The following ZFHX3 variants were observed in gnomAD, a reference collection of about 807,000 sequenced individuals.
ZFHX3 encodes zinc finger homeobox 3, also known as zinc finger homeobox protein 3.
A neutral mutation model predicts 279.1 loss-of-function variants in ZFHX3; 42 were observed. The ratio of observed to expected loss-of-function variants is 0.15; its 90% CI spans 0.12 to 0.19. The LOEUF (loss-of-function observed/expected upper bound fraction) is 0.19. Ranked by LOEUF, ZFHX3 falls within the 10% of genes least tolerant of loss-of-function variation. The pLI is 1.00. For synonymous variants in ZFHX3, 2,293 were observed against 1,957.8 expected, an observed-to-expected ratio of 1.17 and a Z score of -4.52; for missense variants, 4,981 against 4,754.0, an observed-to-expected ratio of 1.05 and a Z score of -1.40.
At chr16:73,695,294 G>A (rs1449941671) in intron 1 of ZFHX3, among the ~76,000 whole-genome samples, 1 of 148,150 alleles carries the variant, frequency 6.7e-6, no homozygotes, top group Non-Finnish European at 1.5e-5. Flanking sequence ...GGAGTGCAGT[G>A]GCGCGATCTC....
At chr16:73,524,198 T>C (rs1454266547) in intron 2 of ZFHX3, among the ~76,000 whole-genome samples, 1 of 152,194 alleles carries the variant, frequency 6.6e-6, no homozygotes, top group Non-Finnish European at 1.5e-5. Context: ...GTGCAAGGCA[T>C]ACAGGCAACA....
At chr16:73,702,560 G>A (rs531627535) in intron 1 of ZFHX3, among the ~76,000 whole-genome samples, 10 of 152,262 alleles carry the variant, frequency 6.6e-5, no homozygotes, top group Admixed American at 1.3e-4. Context: ...TTAGTGCCCC[G>A]AAATATCACC....
chr16:73,727,424 T>A (rs766412225), intron 1 of ZFHX3, among the ~76,000 whole-genome samples: 6 of 152,202 alleles, frequency 3.9e-5, no homozygotes, highest in Non-Finnish European at 8.8e-5. Flanking sequence ...TGCTCAAATC[T>A]TTCATTAACC....
At chr16:73,534,382 G>A (rs2019858276) in intron 2 of ZFHX3, among the ~76,000 whole-genome samples, 1 of 152,020 alleles carries the variant, frequency 6.6e-6, no homozygotes, top group Admixed American at 6.6e-5. Context: ...ATTGCAACCT[G>A]CCACCAACTC....
chr16:73,062,790 A>G (rs1277251576), upstream of ZFHX3, among the ~76,000 whole-genome samples: 1 of 152,012 alleles, frequency 6.6e-6, no homozygotes, highest in Non-Finnish European at 1.5e-5. Context: ...GCCTCTCCGT[A>G]CAACTCCAGA....
Position 73,666,880 on chromosome 16 carries a change from G to A in ZFHX3, c.-1547+13300C>T, listed in dbSNP as rs551543296. On this transcript the variant is annotated intron_variant, in intron 2 of 17. Transcript: ENST00000641206. ...CTGCAGCATGGAGATGTTTGAGTCT[G>A]GCTTCTTTCACTTAACACAATGCCT... 7.9e-5 allele frequency among the ~76,000 whole-genome samples: 12 copies of A among 152,044 alleles called. No homozygotes were observed. In the South Asian group the frequency reaches 2.5e-3, roughly 32 times the overall value.
At chr16:73,812,520 G>C (rs529441099) in intron 1 of ZFHX3, 2 of 152,148 alleles carry the variant, frequency 1.3e-5, no homozygotes, top group Non-Finnish European at 2.9e-5. Flanking sequence ...TCATAATAAA[G>C]AGATGGGGCA....
chr16:73,131,174 T>C, intron 6 of ZFHX3: 1 of 412,116 alleles, frequency 2.4e-6, no homozygotes. Context: ...GAAAATACCA[T>C]GAGCACAAGT....
rs1267341499 is a variant in ZFHX3 at position 72,901,094 on chromosome 16, CTA to C, written c.3217-11134_3217-11133del. 2.6e-5 allele frequency among the ~76,000 whole-genome samples: 4 copies of C among 152,188 alleles called. No homozygotes were observed. In the East Asian group the frequency reaches 7.7e-4, roughly 29 times the overall value. On this transcript the variant is annotated intron_variant, in intron 3 of 9. Coordinates refer to ENST00000268489, the MANE Select transcript of ZFHX3 (RefSeq NM_006885.4). ...TACTTCATAAAAGTCAGAATTGGCT[CTA>C]TTCATCTTCCTCTCCCCTTTCACAC...
At chr16:73,635,675 C>T (rs1336681367) in intron 2 of ZFHX3, among the ~76,000 whole-genome samples, 3 of 152,292 alleles carry the variant, frequency 2.0e-5, no homozygotes, top group East Asian at 3.9e-4. Flanking sequence ...TCATTAACCT[C>T]TCACCCTGTG....
chr16:73,699,665 C>T (rs2053229209), intron 1 of ZFHX3, among the ~76,000 whole-genome samples: 1 of 152,162 alleles, frequency 6.6e-6, no homozygotes, highest in Non-Finnish European at 1.5e-5. Context: ...CTCAACAACC[C>T]TATGAAGCTG....
upstream of ZFHX3, among the ~76,000 whole-genome samples, chr16:73,050,969 C>T (rs1386437169): frequency 1.3e-5 from 2 of 152,196 alleles, no homozygotes; most frequent in Non-Finnish European, 2.9e-5. Context: ...TGGTAAATTA[C>T]AATGATTCTA....
chr16:73,246,075 C>A (rs555050050), intron 5 of ZFHX3, among the ~76,000 whole-genome samples: 7 of 152,124 alleles, frequency 4.6e-5, no homozygotes, highest in African/African-American at 1.7e-4. Context: ...TGTGAGCAGT[C>A]CCAGGGTCCC....
At chr16:73,662,603 G>A (rs939519566) in intron 2 of ZFHX3, among the ~76,000 whole-genome samples, 1 of 152,140 alleles carries the variant, frequency 6.6e-6, no homozygotes, top group African/African-American at 2.4e-5. Context: ...AGTAATTCAA[G>A]AGGCTGAGAG....
At chr16:73,283,645 C>T (rs568996020) in intron 4 of ZFHX3, among the ~76,000 whole-genome samples, 2 of 152,214 alleles carry the variant, frequency 1.3e-5, no homozygotes, top group Non-Finnish European at 2.9e-5. Flanking sequence ...CTCCTACTGC[C>T]TGATTTCTTT....
chr16:73,359,437 C>T (rs2016399471), intron 3 of ZFHX3, among the ~76,000 whole-genome samples: 1 of 152,122 alleles, frequency 6.6e-6, no homozygotes, highest in Non-Finnish European at 1.5e-5. Flanking sequence ...TCGGCAAAGG[C>T]TCAGTCTCAA....
intron 8 of ZFHX3, among the ~76,000 whole-genome samples, chr16:73,091,674 C>T (rs979525271): frequency 2.6e-5 from 4 of 152,172 alleles, no homozygotes; most frequent in Admixed American, 2.6e-4. Flanking sequence ...ATTTATTTTA[C>T]GATCTTCATG....
Position 72,794,801 on chromosome 16 carries a change from G to A in ZFHX3, c.7881C>T (p.Gly2627=), listed in dbSNP as rs772498966. ...KLEEKASASP[G]ENDSGTGGEE... is the part of the protein sequence containing the mutation. ...CTCCTCCTGTCCCACTGTCGTTTTC[G>A]CCAGGGCTTGCACTGGCCTTTTCCT... Residue 2627 remains glycine (G), a synonymous_variant, in exon 9 of 10, where the codon GGC becomes GGT. Coordinates refer to ENST00000268489, the MANE Select transcript of ZFHX3 (RefSeq NM_006885.4). This position sits in a 1 kb window ranked among gnomAD's most constrained non-coding sequence, Gnocchi z 4.2. 1.9e-5 allele frequency: 31 copies of A among 1,613,962 alleles called. No homozygotes were observed. The highest frequency in any genetic ancestry group is 4.5e-5 in the East Asian group (2 of 44,882).
At chr16:72,838,267 T>A (rs191384460) in intron 4 of ZFHX3, among the ~76,000 whole-genome samples, 38 of 152,328 alleles carry the variant, frequency 2.5e-4, no homozygotes, top group South Asian at 6.2e-4. Flanking sequence ...TTTTGTATAT[T>A]TGAAGATCTT....
Sources: allele counts gnomAD v4.1 joint callset (sites outside exome capture counted in the v4.1 genomes callset), GRCh38; gene constraint gnomAD v4.1.1; non-coding constraint Gnocchi (gnomAD v3.1); transcripts MANE v1.5; gene names NCBI Gene and HGNC (gene_info 2026-07-23, HGNC 2026-07-21).